Variants in ATP8B4 observed in about 807,000 individuals in gnomAD.
ATP8B4 encodes probable phospholipid-transporting ATPase IM.
Under a neutral mutation model 145.6 loss-of-function variants are expected in ATP8B4, and 133 were observed. The ratio of observed to expected loss-of-function variants is 0.91; its 90% CI spans 0.79 to 1.05. ATP8B4 has a LOEUF of 1.05. Ranked by LOEUF, ATP8B4 falls within the 50% of genes least tolerant of loss-of-function variation. The probability of loss-of-function intolerance (pLI) is 0.00; values close to 1 mark genes in which losing one functional copy is unlikely to be tolerated. For missense variants in ATP8B4, 1,458 were observed against 1,425.2 expected (o/e 1.02, Z -0.37); for synonymous variants, 507 against 492.9 (o/e 1.03, Z -0.38).
At chr15:50,043,459 C>T (rs897396233) in intron 5 of ATP8B4, among the ~76,000 whole-genome samples, 1 of 151,966 alleles carries the variant, frequency 6.6e-6, no homozygotes, top group Non-Finnish European at 1.5e-5. Context: ...CTCCTGCTTC[C>T]CCTTCCTCTG....
At chr15:50,133,858 A>G (rs899726754) in intron 1 of ATP8B4, among the ~76,000 whole-genome samples, 3 of 152,104 alleles carry the variant, frequency 2.0e-5, no homozygotes, top group Non-Finnish European at 4.4e-5. Context: ...ATAATGAGCC[A>G]GGTATGGTGG....
intron 6 of ATP8B4, among the ~76,000 whole-genome samples, chr15:50,011,657 T>G (rs2153571623): frequency 6.6e-6 from 1 of 152,280 alleles, no homozygotes; most frequent in Non-Finnish European, 1.5e-5. Context: ...TGATGACAAG[T>G]TAGTCAGGGC....
intron 23 of ATP8B4, among the ~76,000 whole-genome samples, chr15:49,892,339 GA>G (rs1213073946): frequency 2.0e-5 from 3 of 152,062 alleles, no homozygotes; most frequent in Non-Finnish European, 4.4e-5. Context: ...ATTTTTATAA[GA>G]TGAAAAAAAC....
intron 6 of ATP8B4, among the ~76,000 whole-genome samples, chr15:50,019,492 T>C (rs945191451): frequency 3.9e-5 from 6 of 152,258 alleles, no homozygotes; most frequent in Admixed American, 3.3e-4. Flanking sequence ...ATTAAAGCAT[T>C]TTGTAAACTG....
intron 19 of ATP8B4, among the ~76,000 whole-genome samples, chr15:49,918,161 G>A (rs1414324988): frequency 6.6e-6 from 1 of 152,194 alleles, no homozygotes; most frequent in Non-Finnish European, 1.5e-5. Flanking sequence ...ACTGCTAGCA[G>A]TAGATCAAAA....
intron 1 of ATP8B4, among the ~76,000 whole-genome samples, chr15:50,172,628 T>TC (rs2044694945): frequency 6.6e-6 from 1 of 150,908 alleles, no homozygotes; most frequent in Non-Finnish European, 1.5e-5. Flanking sequence ...GAGGAGCCCC[T>TC]CTGCCCGGCC....
intron 1 of ATP8B4, among the ~76,000 whole-genome samples, chr15:50,152,320 T>G (rs1217680134): frequency 6.6e-6 from 1 of 152,174 alleles, no homozygotes; most frequent in Non-Finnish European, 1.5e-5. Flanking sequence ...CAATCAGCAA[T>G]TGGCAAGAAA....
intron 1 of ATP8B4, among the ~76,000 whole-genome samples, chr15:50,165,795 A>G (rs531173707): frequency 5.3e-5 from 8 of 152,216 alleles, no homozygotes; most frequent in Admixed American, 5.2e-4. Flanking sequence ...CAAATAAAAA[A>G]TGTTCATGTA....
chr15:49,897,024 A>G, intron 23 of ATP8B4: 1 of 358,068 alleles, frequency 2.8e-6, no homozygotes, highest in Non-Finnish European at 5.1e-6. Flanking sequence ...AAACATTTCA[A>G]CAAAAACTAA....
At chr15:49,926,746 T>C (rs2040760768) in intron 16 of ATP8B4, among the ~76,000 whole-genome samples, 1 of 152,114 alleles carries the variant, frequency 6.6e-6, no homozygotes, top group Non-Finnish European at 1.5e-5. Flanking sequence ...TTGTGCACAA[T>C]TTATTGAAAG....
At chr15:49,861,970 C>G (rs577914455) in intron 27 of ATP8B4, among the ~76,000 whole-genome samples, 1 of 152,282 alleles carries the variant, frequency 6.6e-6, no homozygotes, top group East Asian at 1.9e-4. Flanking sequence ...CTGTGATCTT[C>G]TTTTTAAAAG....
At chr15:50,150,351 C>A (rs1271514494) in intron 1 of ATP8B4, among the ~76,000 whole-genome samples, 2 of 152,182 alleles carry the variant, frequency 1.3e-5, no homozygotes, top group East Asian at 3.9e-4. Context: ...TACCCCAGAT[C>A]CATTTCTCAG....
At chr15:50,029,147 C>T (rs757320169) in intron 6 of ATP8B4, among the ~76,000 whole-genome samples, 1 of 147,024 alleles carries the variant, frequency 6.8e-6, no homozygotes. Flanking sequence ...GCAAGAGAAT[C>T]GCTTGAATCC....
chr15:49,981,970 G>C (rs536280239), intron 10 of ATP8B4, among the ~76,000 whole-genome samples: 2 of 152,298 alleles, frequency 1.3e-5, no homozygotes, highest in East Asian at 3.9e-4. Flanking sequence ...TGGGTTATTA[G>C]ATGATAAACA....
chr15:49,971,339 C>G (rs1043577793), intron 13 of ATP8B4, among the ~76,000 whole-genome samples: 1 of 152,160 alleles, frequency 6.6e-6, no homozygotes, highest in Non-Finnish European at 1.5e-5. Context: ...AGGCAACCTA[C>G]AGAATGGGAG....
chr15:50,168,704 G>C (rs1004131424), intron 1 of ATP8B4, among the ~76,000 whole-genome samples: 9 of 152,180 alleles, frequency 5.9e-5, no homozygotes, highest in African/African-American at 1.9e-4. Context: ...AGGAGGGCAC[G>C]AAACAGGCAT....
At chr15:50,073,679 T>C (rs1475809432) in intron 3 of ATP8B4, among the ~76,000 whole-genome samples, 1 of 152,204 alleles carries the variant, frequency 6.6e-6, no homozygotes, top group African/African-American at 2.4e-5. Context: ...TCTTCCAGAA[T>C]GGTGGGAGTG....
intron 1 of ATP8B4, among the ~76,000 whole-genome samples, chr15:50,169,318 C>T (rs1362844123): frequency 1.3e-5 from 2 of 152,212 alleles, no homozygotes; most frequent in African/African-American, 4.8e-5. Flanking sequence ...TGCTGGTATT[C>T]ACGGCTGAGA....
chr15:49,918,770 A>T, intron 19 of ATP8B4, 69 bp downstream of exon 19: 1 of 1,122,570 alleles, frequency 8.9e-7, no homozygotes, highest in Non-Finnish European at 1.3e-6. Flanking sequence ...CTTTCTGGTT[A>T]ATTAAAATTT....
Sources: gnomAD v4.1 joint callset for allele counts (sites outside exome capture counted in the v4.1 genomes callset) on GRCh38, gnomAD v4.1.1 for gene constraint, MANE v1.5 for transcripts, NCBI Gene and HGNC (gene_info 2026-07-23, HGNC 2026-07-21) for gene names.